The following RBM26 variants were observed in gnomAD, a reference collection of about 807,000 sequenced individuals.
RBM26 encodes the protein RNA-binding protein 26.
Under a neutral mutation model 123.6 loss-of-function variants are expected in RBM26, and 30 were observed. That is an observed-to-expected ratio of 0.24 (90% CI 0.18 to 0.33). The LOEUF (loss-of-function observed/expected upper bound fraction) is 0.33. Among genes scored for constraint, RBM26 ranks in the 10% least tolerant of loss-of-function variants. The pLI, the probability that RBM26 is intolerant of heterozygous loss-of-function variation, is 1.00. For synonymous variants in RBM26, 400 were observed against 404.4 expected (o/e 0.99, Z 0.13); for missense variants, 947 against 1,203.6 (o/e 0.79, Z 3.15).
intron 3 of RBM26, among the ~76,000 whole-genome samples, chr13:79,372,581 AT>A: frequency 6.7e-6 from 1 of 150,308 alleles, no homozygotes; most frequent in Non-Finnish European, 1.5e-5. Flanking sequence ...TCTAACATAT[AT>A]TCATGTTTTG....
chr13:79,379,058 T>C, intron 1 of RBM26, 151 bp from the exon 2 acceptor site: 1 of 604,714 alleles, frequency 1.7e-6, no homozygotes, highest in Non-Finnish European at 3.0e-6. Flanking sequence ...AAATTTAAGT[T>C]CTCTTTATAC....
chr13:79,360,708 T>TA (rs58443748), intron 9 of RBM26, among the ~76,000 whole-genome samples: 5 of 151,492 alleles, frequency 3.3e-5, no homozygotes, highest in Admixed American at 3.3e-4. Context: ...ATACTTGCTT[T>TA]AAAAAAGGAA....
Position 79,368,889 on chromosome 13 carries a change from A to G in RBM26, c.736T>C (p.Tyr246His). The G allele has an allele frequency of 6.2e-7, 1 of 1,613,352 alleles. No individual in the cohort carries two copies. The highest frequency in any genetic ancestry group is 1.1e-5 in the South Asian group (1 of 91,074). ...SSVPSISSGH[Y>H]PVPTLSSTIT... Reference sequence around the variant, plus strand: ...GTGCTGCTCAAAGTAGGTACAGGGTAGTGGCCAGATGAAATACTAGGTACC... The same window carrying G: ...GTGCTGCTCAAAGTAGGTACAGGGTGGTGGCCAGATGAAATACTAGGTACC... The change falls in exon 6 of 22, where the codon TAC (tyrosine) becomes CAC (histidine). Residue 246 changes from tyrosine (Y) to histidine (H), a missense_variant. This residue lies in a region of RBM26 where 275 missense variants were observed against 361.0 expected (regional missense o/e 0.76). Coordinates refer to ENST00000438737, the MANE Select transcript of RBM26 (RefSeq NM_001366735.2).
chr13:79,314,376 T>C (rs1410333), downstream of RBM26: 149,828 of 151,822 alleles, frequency 0.99, 73,971 homozygotes, highest in East Asian at 1. Context: ...TCTTTGTTGG[T>C]TTTGAAGGGC....
downstream of RBM26, among the ~76,000 whole-genome samples, chr13:79,316,190 CAGGTGTGTGTGTGT>C (rs1231100225): frequency 1.6e-5 from 1 of 61,430 alleles, no homozygotes; most frequent in African/African-American, 5.5e-5. Flanking sequence ...GTAAGTGGGG[CAGGTGTGTGTGTGT>C]GTGTGTGTGT....
At chr13:79,402,025 G>GAAA (rs35518227) in intron 1 of RBM26, among the ~76,000 whole-genome samples, 8 of 144,430 alleles carry the variant, frequency 5.5e-5, no homozygotes, top group Non-Finnish European at 4.6e-5. Context: ...GTCTCTTCAG[G>GAAA]AAAAAAAAAA....
Position 79,344,255 on chromosome 13 carries a change from G to A in RBM26, c.2252C>T (p.Thr751Ile). 6.2e-7 allele frequency: 1 copy of A among 1,602,492 alleles called. No individual in the cohort carries two copies. Among genetic ancestry groups the A allele is most frequent in the African/African-American group, 1.3e-5 (1 of 74,772 alleles). ...KQEILEKHIE[T>I]QKMLISKLEK... ...CTAACTTTAACATTTTACCTTCTGT[G>A]TTTCAATGTGCTTTTCTAAAATTTC... The change falls in exon 16 of 22, where the codon ACA (threonine) becomes ATA (isoleucine). Residue 751 changes from threonine (T) to isoleucine (I), a missense_variant. Thr to Ile is a moderately conservative substitution (Grantham distance 89). Transcript: ENST00000438737.
At chr13:79,337,433 C>T in intron 18 of RBM26, 131 bp from the exon 19 acceptor site, 1 of 1,067,112 alleles carries the variant, frequency 9.4e-7, no homozygotes. Flanking sequence ...AAAAGGATCA[C>T]ATAATTTAAA....
chr13:79,397,264 T>A (rs1229151940), intron 1 of RBM26, among the ~76,000 whole-genome samples: 2 of 151,892 alleles, frequency 1.3e-5, no homozygotes, highest in Non-Finnish European at 2.9e-5. Flanking sequence ...AAGAAAAAAA[T>A]TCTCAATCTG....
chr13:79,367,158 G>A (rs2075341185), intron 6 of RBM26, among the ~76,000 whole-genome samples: 2 of 152,010 alleles, frequency 1.3e-5, no homozygotes, highest in South Asian at 4.2e-4. Context: ...TGTAATCCCA[G>A]CACTTTGGGA....
At chr13:79,380,871 G>A (rs193084701) in intron 1 of RBM26, among the ~76,000 whole-genome samples, 17 of 152,142 alleles carry the variant, frequency 1.1e-4, no homozygotes, top group East Asian at 7.7e-4. Flanking sequence ...GTAACATACA[G>A]CATTAATCTT....
At chr13:79,338,455 GAATGAGGTAGGGGTTACGGCATGAA>G (rs2070832612) in intron 18 of RBM26, among the ~76,000 whole-genome samples, 1 of 152,142 alleles carries the variant, frequency 6.6e-6, no homozygotes, top group Non-Finnish European at 1.5e-5. Context: ...AAAAAGGCAA[GAATGAGGTAGGGGTTACGGCATGAA>G]AAAAGGCACC....
chr13:79,392,903 A>C (rs7323246), intron 1 of RBM26, among the ~76,000 whole-genome samples: 76,767 of 151,932 alleles, frequency 0.51, 19,800 homozygotes, highest in Middle Eastern at 0.59. Flanking sequence ...AAAGTCAGGA[A>C]GAAAAATCTG....
At chr13:79,349,032 A>G (rs1052859646) in intron 14 of RBM26, among the ~76,000 whole-genome samples, 5 of 152,192 alleles carry the variant, frequency 3.3e-5, no homozygotes, top group Non-Finnish European at 7.4e-5. Context: ...TACATTTTCA[A>G]CTTGTAAGTA....
intron 3 of RBM26, among the ~76,000 whole-genome samples, chr13:79,375,310 T>C: frequency 6.6e-6 from 1 of 151,048 alleles, no homozygotes; most frequent in South Asian, 2.1e-4. Flanking sequence ...GTAACTGGGA[T>C]TACAGGCACC....
intron 10 of RBM26, among the ~76,000 whole-genome samples, chr13:79,359,335 G>C (rs891329663): frequency 1.3e-5 from 2 of 152,082 alleles, no homozygotes; most frequent in African/African-American, 4.8e-5. Flanking sequence ...GTTTTTTGGA[G>C]GAGGGTAAAT....
At position 79,406,105 on chromosome 13, in the gene RBM26, C is replaced by T. The variant is rs2079503936; in HGVS notation, c.-331G>A. The T allele has an allele frequency of 4.8e-6, 1 of 207,250 alleles. No individual in the cohort carries two copies. The highest frequency in any genetic ancestry group is 2.3e-5 in the African/African-American group (1 of 43,252). The allele number at this position is 207,250 out of a possible 1,614,324, so 12.8% of individuals were successfully genotyped here. A position where few individuals can be genotyped will look rare whatever the true frequency, so the allele number is the denominator to read the frequency against. ...ACGCGCTTAGACCCGAGCCTTCTCT[C>T]AGCCTCGGGACCAGGTGCTTGTTGG... On this transcript the variant is annotated 5_prime_UTR_variant, in exon 1 of 22. Transcript: ENST00000438737.
chr13:79,318,587 T>C (rs3818563), downstream of RBM26, among the ~76,000 whole-genome samples: 76,337 of 151,126 alleles, frequency 0.51, 19,681 homozygotes, highest in Middle Eastern at 0.6. Flanking sequence ...CACGCTGAAA[T>C]ATATTTGTCT....
intron 18 of RBM26, among the ~76,000 whole-genome samples, chr13:79,338,732 A>T (rs1407004764): frequency 6.6e-6 from 1 of 152,242 alleles, no homozygotes; most frequent in Non-Finnish European, 1.5e-5. Context: ...ACAGAGTAGA[A>T]GGAAGAAAAG....
Sources: allele counts gnomAD v4.1 joint callset (sites outside exome capture counted in the v4.1 genomes callset), GRCh38; gene constraint gnomAD v4.1.1; regional missense constraint gnomAD v4.1.1; transcripts MANE v1.5; gene names NCBI Gene and HGNC (gene_info 2026-07-23, HGNC 2026-07-21).